IKZF2: variants seen among roughly 807,000 people sequenced by gnomAD.
IKZF2 encodes IKAROS family zinc finger 2, also known as zinc finger protein Helios.
In IKZF2, 15 loss-of-function variants were observed where a neutral mutation model predicts 49.2. The ratio of observed to expected loss-of-function variants is 0.30; its 90% confidence interval spans 0.20 to 0.47. The LOEUF (loss-of-function observed/expected upper bound fraction) is 0.47, where lower values mean the gene tolerates loss of function less well. Among genes scored for constraint, IKZF2 ranks in the 20% least tolerant of loss-of-function variants. The pLI is 1.00. For missense variants in IKZF2, 567 were observed against 664.6 expected (o/e 0.85, Z 1.61); for synonymous variants, 227 against 221.4 (o/e 1.03, Z -0.23).
intron 4 of IKZF2, among the ~76,000 whole-genome samples, chr2:213,083,042 C>T (rs1019679479): frequency 2.6e-5 from 4 of 152,068 alleles, no homozygotes; most frequent in Non-Finnish European, 4.4e-5. Flanking sequence ...TCTGAGACAA[C>T]AAAATGACTT....
chr2:213,041,817 A>C (rs531306259), intron 6 of IKZF2, among the ~76,000 whole-genome samples: 1 of 152,330 alleles, frequency 6.6e-6, no homozygotes, highest in East Asian at 1.9e-4. Flanking sequence ...GTGAAGACTC[A>C]ATATAAACCT....
chr2:213,102,896 T>C (rs771973096), intron 4 of IKZF2, among the ~76,000 whole-genome samples: 2 of 152,112 alleles, frequency 1.3e-5, no homozygotes, highest in Non-Finnish European at 2.9e-5. Context: ...CAGCCTTTCA[T>C]TGTAAAAAGG....
At chr2:213,021,146 G>A (rs1697164047) in intron 7 of IKZF2, among the ~76,000 whole-genome samples, 1 of 152,150 alleles carries the variant, frequency 6.6e-6, no homozygotes, top group South Asian at 2.1e-4. Flanking sequence ...CGGGGAGGCA[G>A]AGGTTGTGGT....
At chr2:213,116,152 G>T (rs762985321) in intron 4 of IKZF2, among the ~76,000 whole-genome samples, 19 of 152,114 alleles carry the variant, frequency 1.2e-4, no homozygotes, top group Non-Finnish European at 2.2e-4. Flanking sequence ...TTCGTTACAG[G>T]AACACAAAAA....
intron 6 of IKZF2, among the ~76,000 whole-genome samples, chr2:213,046,884 A>G (rs114392396): frequency 4.5e-4 from 68 of 152,150 alleles, no homozygotes; most frequent in African/African-American, 1.4e-3. Context: ...CAAAGTGACA[A>G]TGGGAGTAGG....
chr2:213,086,130 GA>G, intron 4 of IKZF2, among the ~76,000 whole-genome samples: 1 of 152,182 alleles, frequency 6.6e-6, no homozygotes, highest in South Asian at 2.1e-4. Flanking sequence ...CTTGGACTTG[GA>G]AAAAAACTTT....
chr2:213,146,031 C>A (rs534668537), intron 4 of IKZF2, among the ~76,000 whole-genome samples: 1 of 152,052 alleles, frequency 6.6e-6, no homozygotes, highest in Non-Finnish European at 1.5e-5. Flanking sequence ...AATAAAGCAG[C>A]CAATTAACCA....
chr2:213,103,901 A>G (rs2059433771), intron 4 of IKZF2, among the ~76,000 whole-genome samples: 1 of 152,218 alleles, frequency 6.6e-6, no homozygotes, highest in Admixed American at 6.5e-5. Flanking sequence ...TTTGCTAAAA[A>G]GAGTAGTATA....
intron 4 of IKZF2, among the ~76,000 whole-genome samples, chr2:213,138,802 C>A (rs535276368): frequency 6.6e-6 from 1 of 151,998 alleles, no homozygotes; most frequent in Non-Finnish European, 1.5e-5. Flanking sequence ...TCATTTGATG[C>A]GGTCAGATCA....
chr2:213,139,825 T>C (rs1312773552), intron 4 of IKZF2, among the ~76,000 whole-genome samples: 1 of 151,924 alleles, frequency 6.6e-6, no homozygotes, highest in Non-Finnish European at 1.5e-5. Context: ...CATCCTCAAA[T>C]TTACACACAT....
intron 4 of IKZF2, among the ~76,000 whole-genome samples, chr2:213,133,541 A>G (rs1042368414): frequency 1.3e-5 from 2 of 151,698 alleles, no homozygotes; most frequent in African/African-American, 2.4e-5. Flanking sequence ...GACTAGCCTG[A>G]CCAACATGGT....
intron 7 of IKZF2, among the ~76,000 whole-genome samples, chr2:213,020,564 C>A (rs1418338876): frequency 6.6e-6 from 1 of 151,730 alleles, no homozygotes; most frequent in Non-Finnish European, 1.5e-5. Context: ...AGACTTGATA[C>A]ACAGATAGGT....
intron 4 of IKZF2, among the ~76,000 whole-genome samples, chr2:213,089,019 T>C (rs958227851): frequency 1.3e-5 from 2 of 152,126 alleles, no homozygotes; most frequent in African/African-American, 2.4e-5. Flanking sequence ...TGCAGGAGCA[T>C]CCTGGCTCTC....
Position 213,070,740 on chromosome 2 carries a change from C to T in IKZF2, c.140-13641G>A, listed in dbSNP as rs545095837. On this transcript the variant is annotated intron_variant, in intron 4 of 8. Coordinates refer to ENST00000434687, the MANE Select transcript of IKZF2 (RefSeq NM_001387220.1). ...GCCACATGGGAGCACGGTCTCAGTG[C>T]AAAATACAGTGTTTGAGAGGAACTA... Among the ~76,000 whole-genome samples the T allele has an allele frequency of 1.6e-3, 246 of 152,082 alleles. 3 individuals are homozygous for T. Among genetic ancestry groups the T allele is most frequent in the Middle Eastern group, 3.4e-3 (1 of 294 alleles).
Position 213,002,480 on chromosome 2 carries a change from G to A in IKZF2, c.*4880C>T, listed in dbSNP as rs772154811. On this transcript the variant is annotated 3_prime_UTR_variant, in exon 9 of 9. Transcript: ENST00000434687. The stretch of plus-strand genomic sequence containing the variant: ...ATTCAAGGTGTCATTATTTGGCCTA[G>A]TAATACACTATGATAAAAAGAAACA... 1 of 151,494 alleles carries A rather than the reference G, an allele frequency of 6.6e-6. No homozygotes were observed. The highest frequency in any genetic ancestry group is 1.5e-5 in the Non-Finnish European group (1 of 67,542). 9.4% of individuals were successfully genotyped at this position (151,494 alleles called of 1,614,324 possible). A position where few individuals can be genotyped will look rare whatever the true frequency, so the allele number is the denominator to read the frequency against.
chr2:213,150,509 C>T (rs1575018378), intron 1 of IKZF2: 2 of 252,646 alleles, frequency 7.9e-6, no homozygotes, highest in Non-Finnish European at 1.6e-5. Flanking sequence ...CCACCCCTCC[C>T]CCTCGTCCCT....
At chr2:213,020,633 AG>A (rs1241111439) in intron 7 of IKZF2, among the ~76,000 whole-genome samples, 1 of 152,236 alleles carries the variant, frequency 6.6e-6, no homozygotes, top group African/African-American at 2.4e-5. Flanking sequence ...ACAAATCAAT[AG>A]AATTAGATTC....
At chr2:213,148,249 T>C (rs939712846) in intron 3 of IKZF2, among the ~76,000 whole-genome samples, 1 of 152,124 alleles carries the variant, frequency 6.6e-6, no homozygotes, top group African/African-American at 2.4e-5. Flanking sequence ...GTCTGAAAAA[T>C]TAGGTTACAG....
intron 4 of IKZF2, among the ~76,000 whole-genome samples, chr2:213,136,887 G>T (rs1223769415): frequency 6.6e-6 from 1 of 151,888 alleles, no homozygotes; most frequent in Non-Finnish European, 1.5e-5. Flanking sequence ...AACATAAATG[G>T]TATTATCATA....
Sources: gnomAD v4.1 joint callset for allele counts (sites outside exome capture counted in the v4.1 genomes callset) on GRCh38, gnomAD v4.1.1 for gene constraint, MANE v1.5 for transcripts, NCBI Gene and HGNC (gene_info 2026-07-23, HGNC 2026-07-21) for gene names.